The following SLC19A1 variants were observed in gnomAD, a reference collection of about 807,000 sequenced individuals.
SLC19A1 encodes solute carrier family 19 member 1.
In SLC19A1, 37 loss-of-function variants were observed where a neutral mutation model predicts 35.3. The observed-to-expected ratio is 1.05, with a 90% CI of 0.81 to 1.38. The LOEUF is 1.38. Among genes scored for constraint, SLC19A1 ranks in the 40% most tolerant of loss-of-function variants. SLC19A1 has a pLI of 0.00. For missense variants in SLC19A1, 831 were observed against 826.9 expected (o/e 1.00, Z -0.06); for synonymous variants, 460 against 398.5 (o/e 1.15, Z -1.84).
chr21:45,525,107 T>G (rs2077563328), intron 5 of SLC19A1, among the ~76,000 whole-genome samples: 1 of 152,198 alleles, frequency 6.6e-6, no homozygotes, highest in Non-Finnish European at 1.5e-5. Context: ...CTGGAGTCAC[T>G]GAAGCTGAAC....
intron 5 of SLC19A1, among the ~76,000 whole-genome samples, chr21:45,519,361 T>C (rs539110994): frequency 1.3e-5 from 2 of 152,192 alleles, no homozygotes; most frequent in East Asian, 3.9e-4. Flanking sequence ...TAAATATAAA[T>C]GGTCTAAATA....
At position 45,560,619 on chromosome 21, in the gene SLC19A1, C is replaced by T. The variant is rs894189921; in HGVS notation, c.-50+2123G>A. 5.9e-5 allele frequency among the ~76,000 whole-genome samples: 9 copies of T among 152,344 alleles called. No individual in the cohort carries two copies. In the East Asian group the frequency reaches 1.2e-3, roughly 20 times the overall value. ...AGGGAAGAGACAACACCAGCAAGGA[C>T]GGCCGCACACGGCGGGGCAGGGGAG... On this transcript the variant is annotated intron_variant, in intron 1 of 5. Transcript: ENST00000650808.
chr21:45,512,146 G>A (rs1056460886), downstream of SLC19A1: 7 of 1,585,190 alleles, frequency 4.4e-6, no homozygotes, highest in Non-Finnish European at 5.1e-6. Flanking sequence ...GCCCTAAGCA[G>A]AGCAGGTCTG....
intron 3 of SLC19A1, among the ~76,000 whole-genome samples, chr21:45,504,866 G>A (rs2037096098): frequency 6.6e-6 from 1 of 152,086 alleles, no homozygotes; most frequent in South Asian, 2.1e-4. Context: ...AGTCCTGAAA[G>A]ACTCCAGAGA....
chr21:45,509,666 GCC>G, downstream of SLC19A1: 1 of 902,122 alleles, frequency 1.1e-6, no homozygotes, highest in Non-Finnish European at 1.8e-6. Context: ...GCAGAAGAGG[GCC>G]CAGCCCCTGC....
chr21:45,525,673 G>C (rs1021892438), intron 5 of SLC19A1, 144 bp downstream of exon 5: 1 of 842,544 alleles, frequency 1.2e-6, no homozygotes. Context: ...TCGCTGGCCT[G>C]GTGTGTCCCA....
rs1220214438 is a variant in SLC19A1 at position 45,504,469 on chromosome 21, C to CG, written c.498-5858dup. The CG allele has an allele frequency of 1.2e-6, 2 of 1,608,040 alleles. No homozygotes were observed. The highest frequency in any genetic ancestry group is 1.7e-6 in the Non-Finnish European group (2 of 1,177,600). Reference sequence around the variant, plus strand: ...GACAGAAAGGCGAAAGGGGGGAGCCCGGGGGCGGCGGTTTCTTCGGCTCCA... The same window carrying CG: ...GACAGAAAGGCGAAAGGGGGGAGCCCGGGGGGCGGCGGTTTCTTCGGCTCCA... On this transcript the variant is annotated intron_variant, in intron 3 of 4. Transcript: ENST00000417954.
chr21:45,511,223 C>A (rs1181689604), downstream of SLC19A1: 6 of 1,556,532 alleles, frequency 3.9e-6, no homozygotes, highest in East Asian at 1.4e-4. Context: ...AGGCACCCCA[C>A]CTGGTAGGTT....
At position 45,517,695 on chromosome 21, in the gene SLC19A1, C is replaced by T. The variant is rs550659637; in HGVS notation, c.1294-1555G>A. Among the ~76,000 whole-genome samples the T allele has an allele frequency of 2.6e-5, 4 of 152,198 alleles. No homozygotes were observed. The highest frequency in any genetic ancestry group is 1.9e-4 in the East Asian group (1 of 5,174). ...CTGGGGGGTGTCAGAGGAGGTCAAG[C>T]GGGAGTCCAGACTTTCACCTACCCA... On this transcript the variant is annotated intron_variant, in intron 5 of 5. Transcript: ENST00000311124. The surrounding 1 kb of genome is among the most constrained non-coding windows in gnomAD (Gnocchi z 4.4).
At chr21:45,504,637 C>G (rs970770969) in intron 3 of SLC19A1, 1 of 1,295,752 alleles carries the variant, frequency 7.7e-7, no homozygotes, top group East Asian at 2.5e-5. Flanking sequence ...GCCCGGCCTT[C>G]GACACCCGCG....
chr21:45,531,890 G>T lies in SLC19A1; in HGVS notation c.448C>A (p.Gln150Lys). The change falls in exon 3 of 6, where the codon CAG becomes AAG. Residue 150 changes from glutamine to lysine, a missense_variant. Coordinates refer to ENST00000311124, the MANE Select transcript of SLC19A1 (RefSeq NM_194255.4). ...IFSLVRPARY[Q>K]RVAGYSRAAV... ...GCGCGCGAGTAGCCGGCCACACGCT[G>T]GTAGCGCGCGGGCCGCACGAGAGAG... 6.3e-7 allele frequency: 1 copy of T among 1,587,236 alleles called. No homozygotes were observed. Among genetic ancestry groups the T allele is most frequent in the Non-Finnish European group, 8.6e-7 (1 of 1,167,540 alleles).
At chr21:45,545,860 G>C (rs151006026), upstream of SLC19A1, among the ~76,000 whole-genome samples, 1 of 152,294 alleles carries the variant, frequency 6.6e-6, no homozygotes, top group East Asian at 1.9e-4. Context: ...AGGTGCTTCT[G>C]CTCCCATCTG....
upstream of SLC19A1, among the ~76,000 whole-genome samples, chr21:45,548,322 C>T (rs191074961): frequency 1.5e-3 from 225 of 152,266 alleles, no homozygotes; most frequent in Non-Finnish European, 2.5e-3. Context: ...TCCAGTGACA[C>T]AGGAAGCAAA....
intron 1 of SLC19A1, among the ~76,000 whole-genome samples, chr21:45,551,584 A>AT (rs1231768661): frequency 2.6e-5 from 4 of 152,218 alleles, no homozygotes; most frequent in Non-Finnish European, 4.4e-5. Flanking sequence ...CAGTAGGCAG[A>AT]TGTTGTTGTT....
chr21:45,511,090 T>TAAC (rs1568954974), downstream of SLC19A1: 4 of 1,171,658 alleles, frequency 3.4e-6, 1 homozygote, highest in South Asian at 5.2e-5. Flanking sequence ...CACACACACA[T>TAAC]ACACACGGTT....
Position 45,515,501 on chromosome 21 carries a change from C to T in SLC19A1, c.*157G>A. On this transcript the variant is annotated 3_prime_UTR_variant, in exon 6 of 6. Coordinates refer to ENST00000311124, the MANE Select transcript of SLC19A1 (RefSeq NM_194255.4). ...CCTGAGTGTCGCCAGCACGCTGTGG[C>T]CACCGCCAGAGTGCGGCACAGGGCA... is the stretch of plus-strand genomic sequence containing the variant. 6.6e-7 allele frequency: 1 copy of T among 1,507,878 alleles called. No individual in the cohort carries two copies. The highest frequency in any genetic ancestry group is 8.8e-7 in the Non-Finnish European group (1 of 1,141,554). The allele number at this position is 1,507,878 out of a possible 1,614,324, so 93.4% of individuals were successfully genotyped here. A position where few individuals can be genotyped will look rare whatever the true frequency, so the allele number is the denominator to read the frequency against.
In SLC19A1 at chr21:45,530,601, G is replaced by A. The variant is rs908514158; in HGVS notation, c.1151+169C>T. 6.6e-6 allele frequency among the ~76,000 whole-genome samples: 1 copy of A among 152,136 alleles called. No homozygotes were observed. The highest frequency in any genetic ancestry group is 1.5e-5 in the Non-Finnish European group (1 of 67,990). On this transcript the variant is annotated intron_variant, in intron 4 of 5. Transcript: ENST00000311124. The surrounding 1 kb of genome is among the most constrained non-coding windows in gnomAD (Gnocchi z 5.3). ...CAAGACGGCACAGGAAGGGACGCCCGAGGTCCCAGGGAGAGGCAAGTGGGG... is the reference window on the plus strand; with the variant it reads ...CAAGACGGCACAGGAAGGGACGCCCAAGGTCCCAGGGAGAGGCAAGTGGGG...
chr21:45,537,719 T>TGGGGGGGGCCCCCCCCCCCCC, intron 2 of SLC19A1, 52 bp downstream of exon 2: 9 of 319,776 alleles, frequency 2.8e-5, no homozygotes, highest in Non-Finnish European at 5.1e-5. Flanking sequence ...CAGACGCTGC[T>TGGGGGGGGCCCCCCCCCCCCC]CCCCGCCCAC....
At chr21:45,541,999 G>A (rs2078321569) in intron 1 of SLC19A1, among the ~76,000 whole-genome samples, 1 of 151,950 alleles carries the variant, frequency 6.6e-6, no homozygotes, top group Non-Finnish European at 1.5e-5. Context: ...GGGCCACCGC[G>A]ACCCCCGCGG....
Sources: allele counts gnomAD v4.1 joint callset (sites outside exome capture counted in the v4.1 genomes callset), GRCh38; gene constraint gnomAD v4.1.1; non-coding constraint Gnocchi (gnomAD v3.1); transcripts MANE v1.5; gene names NCBI Gene and HGNC (gene_info 2026-07-23, HGNC 2026-07-21).